Variants in EDA observed in about 807,000 individuals in gnomAD.
EDA encodes ectodysplasin-A.
A neutral mutation model predicts 23.6 loss-of-function variants in EDA; 2 were observed. That is an observed-to-expected ratio of 0.08 (90% CI 0.03 to 0.27). EDA has a LOEUF of 0.27. Among genes scored for constraint, EDA ranks in the 10% least tolerant of loss-of-function variants. The probability of loss-of-function intolerance (pLI) is 1.00; values close to 1 mark genes in which losing one functional copy is unlikely to be tolerated. For missense variants in EDA, 229 were observed against 324.2 expected, an observed-to-expected ratio of 0.71 and a Z score of 2.26; for synonymous variants, 131 against 132.0, an observed-to-expected ratio of 0.99 and a Z score of 0.05.
intron 1 of EDA, among the ~76,000 whole-genome samples, chrX:69,753,299 A>T (rs1401917443): frequency 8.9e-6 from 1 of 112,035 alleles, no homozygotes; most frequent in African/African-American, 3.2e-5. Flanking sequence ...TTGGTTTCAA[A>T]GAACATCTTT....
chrX:69,687,173 T>C (rs184259602), intron 1 of EDA, among the ~76,000 whole-genome samples: 76 of 112,093 alleles, frequency 6.8e-4, no homozygotes, highest in African/African-American at 2.3e-3. Flanking sequence ...TCCTGAAGAC[T>C]AATGATTTTT....
intron 1 of EDA, among the ~76,000 whole-genome samples, chrX:69,799,099 T>A (rs1482952928): frequency 9.0e-6 from 1 of 111,545 alleles, no homozygotes; most frequent in African/African-American, 3.3e-5. Flanking sequence ...GGGGAAAGGA[T>A]GGTCTTCAAT....
At chrX:69,963,502 G>C (rs1320247462) in intron 2 of EDA, among the ~76,000 whole-genome samples, 1 of 112,364 alleles carries the variant, frequency 8.9e-6, no homozygotes, top group East Asian at 2.8e-4. Flanking sequence ...CCCCAAGGTT[G>C]CCTGCTGGTA....
chrX:69,630,318 A>G (rs1473853771), intron 1 of EDA, among the ~76,000 whole-genome samples: 2 of 111,925 alleles, frequency 1.8e-5, no homozygotes, highest in African/African-American at 6.5e-5. Context: ...AAGTAGTACT[A>G]CTGTTTCATA....
chrX:69,683,656 G>T (rs762533070), intron 1 of EDA, among the ~76,000 whole-genome samples: 2 of 111,215 alleles, frequency 1.8e-5, no homozygotes, highest in East Asian at 5.6e-4. Context: ...GGCAGACTGT[G>T]TCTTACTCAT....
At chrX:69,873,620 A>G (rs2017599870) in intron 1 of EDA, among the ~76,000 whole-genome samples, 1 of 112,271 alleles carries the variant, frequency 8.9e-6, no homozygotes, top group Admixed American at 9.5e-5. Context: ...GAACACCTTT[A>G]TGTGCATAAA....
In EDA at chrX:70,035,513, C is replaced by T. The variant is rs375844339; in HGVS notation, c.1080C>T (p.Ile360=). ...GVCLLKARQK[I]AVKMVHADIS... ...GCCTCCTCAAGGCCCGGCAGAAGAT[C>T]GCCGTCAAGATGGTGCACGCTGACA... The change falls in exon 8 of 8, where the codon ATC becomes ATT. Residue 360 remains isoleucine (I), a synonymous_variant. Transcript: ENST00000374552. 154 of 1,206,454 alleles carry T rather than the reference C, an allele frequency of 1.3e-4. No individual in the cohort carries two copies. The highest frequency in any genetic ancestry group is 1.6e-4 in the Non-Finnish European group (139 of 894,459).
intron 1 of EDA, among the ~76,000 whole-genome samples, chrX:69,781,555 C>G (rs2014944864): frequency 9.0e-6 from 1 of 111,205 alleles, no homozygotes; most frequent in Non-Finnish European, 1.9e-5. Context: ...ACTAATTGGC[C>G]CTTCACAGAA....
intron 3 of EDA, among the ~76,000 whole-genome samples, chrX:70,025,332 G>A (rs2020093232): frequency 9.0e-6 from 1 of 111,138 alleles, no homozygotes; most frequent in African/African-American, 3.3e-5. Flanking sequence ...ATCACTGTTA[G>A]GCTTGGAAAT....
chrX:69,831,284 C>A (rs1460340456), intron 1 of EDA, among the ~76,000 whole-genome samples: 1 of 111,813 alleles, frequency 8.9e-6, no homozygotes, highest in Non-Finnish European at 1.9e-5. Flanking sequence ...TCAGTCCCCA[C>A]CTATGAGTGA....
intron 2 of EDA, among the ~76,000 whole-genome samples, chrX:70,011,014 G>A (rs943755765): frequency 1.8e-5 from 2 of 111,389 alleles, no homozygotes; most frequent in Admixed American, 9.5e-5. Flanking sequence ...AACCATATTT[G>A]TAATTATTTT....
At chrX:70,009,350 G>T (rs2147485787) in intron 2 of EDA, among the ~76,000 whole-genome samples, 1 of 111,253 alleles carries the variant, frequency 9.0e-6, no homozygotes, top group African/African-American at 3.3e-5. Context: ...TCTTAAGGTA[G>T]AAGCTTAGAT....
At chrX:70,035,303 C>CT (rs956252637) in intron 7 of EDA, 55 bp from the exon 8 acceptor site, 3 of 1,168,459 alleles carry the variant, frequency 2.6e-6, no homozygotes, top group Non-Finnish European at 3.5e-6. Context: ...CAGGGAGGGC[C>CT]CCCCACCCTC....
intron 1 of EDA, among the ~76,000 whole-genome samples, chrX:69,874,318 GA>G (rs894164999): frequency 2.9e-5 from 3 of 102,534 alleles, no homozygotes; most frequent in East Asian, 6.1e-4. Context: ...GCCTCAAGAA[GA>G]AAAAAAAAGG....
At chrX:69,829,941 A>G (rs1392364187) in intron 1 of EDA, among the ~76,000 whole-genome samples, 1 of 111,648 alleles carries the variant, frequency 9.0e-6, no homozygotes, top group East Asian at 2.8e-4. Context: ...GTTTGCAATG[A>G]CCCTGTGTTA....
At chrX:69,746,644 T>C (rs146967525) in intron 1 of EDA, among the ~76,000 whole-genome samples, 242 of 111,399 alleles carry the variant, frequency 2.2e-3, no homozygotes, top group African/African-American at 7.4e-3. Context: ...TGTTTTACAG[T>C]GAGGGAGAGA....
chrX:69,826,645 CTT>C (rs756941334), intron 1 of EDA, among the ~76,000 whole-genome samples: 1,505 of 109,517 alleles, frequency 0.014, 24 homozygotes, highest in African/African-American at 0.048. Context: ...GGTCTTGACT[CTT>C]TATCCAATTT....
intron 5 of EDA, 51 bp from the exon 6 acceptor site, chrX:70,030,418 C>T (rs1057388076): frequency 1.9e-6 from 2 of 1,072,665 alleles, no homozygotes; most frequent in Admixed American, 2.3e-5. Context: ...GGTGGCTGAG[C>T]AAGCAGCCAT....
At chrX:69,819,624 T>G (rs1453453199) in intron 1 of EDA, among the ~76,000 whole-genome samples, 1 of 111,170 alleles carries the variant, frequency 9.0e-6, no homozygotes, top group Non-Finnish European at 1.9e-5. Flanking sequence ...CTCCCACTCA[T>G]AATTGCTACA....
Sources: allele counts gnomAD v4.1 joint callset (sites outside exome capture counted in the v4.1 genomes callset), GRCh38; gene constraint gnomAD v4.1.1; transcripts MANE v1.5; gene names NCBI Gene and HGNC (gene_info 2026-07-23, HGNC 2026-07-21).